THSD7A: variants seen among roughly 807,000 people sequenced by gnomAD.
THSD7A encodes the protein thrombospondin type-1 domain-containing protein 7A.
A neutral mutation model predicts 231.3 loss-of-function variants in THSD7A; 96 were observed. The ratio of observed to expected loss-of-function variants is 0.41; its 90% confidence interval spans 0.35 to 0.49. The LOEUF is 0.49. THSD7A is among the 20% of genes least tolerant of loss of function. THSD7A has a pLI of 0.05. For synonymous variants in THSD7A, 940 were observed against 743.3 expected (o/e 1.26, Z -4.30); for missense variants, 2,290 against 2,070.2 (o/e 1.11, Z -2.06).
chr7:11,417,385 C>A (rs1483890622), intron 17 of THSD7A, 65 bp downstream of exon 17: 4 of 1,399,362 alleles, frequency 2.9e-6, no homozygotes, highest in Non-Finnish European at 3.8e-6. Context: ...AAAATAATGT[C>A]TTTAAAGCTT....
chr7:11,642,796 T>C (rs1782133526), intron 1 of THSD7A, among the ~76,000 whole-genome samples: 1 of 152,166 alleles, frequency 6.6e-6, no homozygotes, highest in South Asian at 2.1e-4. Context: ...ATAATGAATT[T>C]ATTTTTATTC....
chr7:11,459,665 ATTTTTTTTTTTTTTTTTTTTTT>A (rs34415355), intron 11 of THSD7A, among the ~76,000 whole-genome samples: 6 of 39,894 alleles, frequency 1.5e-4, no homozygotes, highest in Non-Finnish European at 2.3e-4. Flanking sequence ...AAAACAGGGG[ATTTTTTTTTTTTTTTTTTTTTT>A]TTTTTTTTTT....
intron 1 of THSD7A, among the ~76,000 whole-genome samples, chr7:11,779,079 T>C (rs1375539386): frequency 6.6e-6 from 1 of 152,188 alleles, no homozygotes; most frequent in African/African-American, 2.4e-5. Context: ...AAAATTAGAA[T>C]AAGTGAAATT....
intron 1 of THSD7A, among the ~76,000 whole-genome samples, chr7:11,697,123 T>A (rs969794171): frequency 6.6e-6 from 1 of 151,472 alleles, no homozygotes; most frequent in African/African-American, 2.4e-5. Context: ...ACATATGAGC[T>A]CCAAGTAAAT....
At chr7:11,695,365 A>G (rs1780355667) in intron 1 of THSD7A, among the ~76,000 whole-genome samples, 1 of 151,544 alleles carries the variant, frequency 6.6e-6, no homozygotes, top group African/African-American at 2.4e-5. Flanking sequence ...CCAAACATGC[A>G]TCACTCTCTA....
At chr7:11,650,585 GAGTGGGTTTCTGC>G (rs942113252) in intron 1 of THSD7A, among the ~76,000 whole-genome samples, 77 of 152,156 alleles carry the variant, frequency 5.1e-4, no homozygotes, top group African/African-American at 1.8e-3. Context: ...AGTGAGTGCT[GAGTGGGTTTCTGC>G]AGGTGTCTTG....
At chr7:11,676,524 A>T (rs1335337229) in intron 1 of THSD7A, among the ~76,000 whole-genome samples, 1 of 152,178 alleles carries the variant, frequency 6.6e-6, no homozygotes, top group Non-Finnish European at 1.5e-5. Flanking sequence ...ACCTTGATAA[A>T]AGATGAGAGG....
chr7:11,417,136 C>G (rs1164659963), intron 17 of THSD7A, among the ~76,000 whole-genome samples: 1 of 152,156 alleles, frequency 6.6e-6, no homozygotes, highest in African/African-American at 2.4e-5. Context: ...TGGAGGGAAT[C>G]ATTATCACCA....
chr7:11,407,025 T>A lies in THSD7A; in HGVS notation c.3947A>T (p.Gln1316Leu). The change falls in exon 21 of 28, where the codon CAG becomes CTG. Residue 1316 changes from glutamine to leucine, a missense_variant. Transcript: ENST00000423059. ...GKMIRRRTVT[Q>L]PFQGDGRPCP... ...TGGTCTTCCATCACCTTGAAAGGGCTGGGTCACTGTTCGTCTTCGGATCAT... is the reference window on the plus strand; with the variant it reads ...TGGTCTTCCATCACCTTGAAAGGGCAGGGTCACTGTTCGTCTTCGGATCAT... 6.2e-7 allele frequency: 1 copy of A among 1,613,896 alleles called. No homozygotes were observed. Among genetic ancestry groups the A allele is most frequent in the African/African-American group, 1.3e-5 (1 of 75,052 alleles).
In THSD7A at chr7:11,459,961, T is replaced by C. The variant is rs1253887283; in HGVS notation, c.2605+701A>G. ...TGCTATAAGTCAATATGAGTAAAAA[T>C]AATCATGTGCTCTTTAAAGACTGAA... On this transcript the variant is annotated intron_variant, in intron 11 of 27. Transcript: ENST00000423059. Among the ~76,000 whole-genome samples the C allele has an allele frequency of 1.3e-5, 2 of 152,102 alleles. 1 individual carries two copies. The highest frequency in any genetic ancestry group is 4.1e-4 in the South Asian group (2 of 4,824).
In THSD7A at chr7:11,566,965, T is replaced by TAGCGGGAGGGGGGGGGGGGGGGGGG; in HGVS notation, c.1453+23494_1453+23495insCCCCCCCCCCCCCCCCCCTCCCGCT. ...CAAAGTGGATCCAGCTGTGGGAGAG[T>TAGCGGGAGGGGGGGGGGGGGGGGGG]GGGGGGGGGACTGACCAACAAAGTT... On this transcript the variant is annotated intron_variant, in intron 4 of 27. Transcript: ENST00000423059. 3.3e-5 allele frequency among the ~76,000 whole-genome samples: 3 copies of TAGCGGGAGGGGGGGGGGGGGGGGGG among 92,300 alleles called. 1 individual carries two copies. Among genetic ancestry groups the TAGCGGGAGGGGGGGGGGGGGGGGGG allele is most frequent in the Admixed American group, 9.8e-5 (1 of 10,254 alleles). 60.6% of individuals were successfully genotyped at this position (92,300 alleles called of 152,430 possible).
At chr7:11,496,643 G>C (rs890521896) in intron 6 of THSD7A, among the ~76,000 whole-genome samples, 9 of 152,124 alleles carry the variant, frequency 5.9e-5, no homozygotes, top group African/African-American at 2.2e-4. Flanking sequence ...CTTCTTCCAA[G>C]GGCCAGGAGC....
chr7:11,538,534 A>G (rs1031467907), intron 6 of THSD7A, among the ~76,000 whole-genome samples: 5 of 152,210 alleles, frequency 3.3e-5, no homozygotes, highest in Admixed American at 2.6e-4. Context: ...ACATATTCAA[A>G]TATCAGAAAA....
intron 1 of THSD7A, among the ~76,000 whole-genome samples, chr7:11,793,910 C>T (rs1238014307): frequency 1.3e-5 from 2 of 151,676 alleles, no homozygotes; most frequent in Non-Finnish European, 2.9e-5. Flanking sequence ...TAACAATATA[C>T]ATATGTATTT....
intron 13 of THSD7A, among the ~76,000 whole-genome samples, chr7:11,430,273 G>A (rs534613322): frequency 7.2e-5 from 11 of 152,114 alleles, no homozygotes; most frequent in Admixed American, 3.3e-4. Context: ...TGTTTGCTGC[G>A]TTGTGCAACC....
intron 23 of THSD7A, among the ~76,000 whole-genome samples, chr7:11,392,929 G>A (rs956832590): frequency 6.6e-6 from 1 of 152,220 alleles, no homozygotes; most frequent in Non-Finnish European, 1.5e-5. Context: ...ATAGGATAGA[G>A]CACCTGGGGG....
intron 1 of THSD7A, among the ~76,000 whole-genome samples, chr7:11,657,686 C>T (rs144549511): frequency 1.7e-3 from 259 of 151,926 alleles, no homozygotes; most frequent in African/African-American, 5.4e-3. Flanking sequence ...TATTTCTCTA[C>T]GAGTTTAAAC....
chr7:11,585,920 G>T (rs892170875), intron 4 of THSD7A, among the ~76,000 whole-genome samples: 10 of 152,018 alleles, frequency 6.6e-5, no homozygotes, highest in African/African-American at 2.4e-4. Flanking sequence ...CCTCAGCTGG[G>T]AATCAATTTT....
At chr7:11,685,766 G>T (rs1044535529) in intron 1 of THSD7A, among the ~76,000 whole-genome samples, 9 of 151,994 alleles carry the variant, frequency 5.9e-5, no homozygotes, top group African/African-American at 2.2e-4. Context: ...TACACTGTGG[G>T]TGGTAATGTA....
Sources: gnomAD v4.1 joint callset for allele counts (sites outside exome capture counted in the v4.1 genomes callset) on GRCh38, gnomAD v4.1.1 for gene constraint, MANE v1.5 for transcripts, NCBI Gene and HGNC (gene_info 2026-07-23, HGNC 2026-07-21) for gene names.